The following SPATA31A6 variants were observed in gnomAD, a reference collection of about 807,000 sequenced individuals.
The protein encoded by SPATA31A6 is spermatogenesis-associated protein 31A6.
Under a neutral mutation model 11.9 loss-of-function variants are expected in SPATA31A6, and 9 were observed. The ratio of observed to expected loss-of-function variants is 0.76; its 90% CI spans 0.46 to 1.32. SPATA31A6 has a LOEUF of 1.32. Ranked by LOEUF, SPATA31A6 falls within the 40% of genes most tolerant of loss-of-function variation. The pLI is 0.00. For synonymous variants in SPATA31A6, 314 were observed against 572.1 expected, an observed-to-expected ratio of 0.55 and a Z score of 6.44; for missense variants, 855 against 1,467.3, an observed-to-expected ratio of 0.58 and a Z score of 6.82.
rs1392772457 is a variant in SPATA31A6 at position 42,189,836 on chromosome 9, G to A, written c.*102G>A. 4.4e-6 allele frequency: 5 copies of A among 1,129,598 alleles called. 1 individual carries two copies. Among genetic ancestry groups the A allele is most frequent in the Non-Finnish European group, 5.9e-6 (5 of 846,126 alleles). 70.0% of individuals were successfully genotyped at this position (1,129,598 alleles called of 1,614,324 possible). On this transcript the variant is annotated 3_prime_UTR_variant, in exon 4 of 4. Coordinates refer to ENST00000332857, the MANE Select transcript of SPATA31A6 (RefSeq NM_001145196.1). ...AGAAAAAATATTTTCTCTCATGTTA[G>A]TAAATGCAGAACATTTAATATTCCA...
At chr9:42,184,740 C>G (rs896105142) in intron 1 of SPATA31A6, among the ~76,000 whole-genome samples, 1 of 136,054 alleles carries the variant, frequency 7.4e-6, no homozygotes, top group Admixed American at 7.3e-5. Context: ...CATGGCCAGG[C>G]TGGTCTCAAA....
intron 3 of SPATA31A6, 119 bp downstream of exon 3, chr9:42,185,874 A>G: frequency 6.9e-7 from 1 of 1,441,130 alleles, no homozygotes; most frequent in South Asian, 1.3e-5. Context: ...GATGGGAGTA[A>G]AACCCTGGGG....
rs770772717 is a variant in SPATA31A6 at position 42,185,050 on chromosome 9, A to G, written c.190-19A>G. On this transcript the variant is annotated intron_variant, in intron 1 of 3. Coordinates refer to ENST00000332857, the MANE Select transcript of SPATA31A6 (RefSeq NM_001145196.1). ...TCTCTCCGCGTCATCTTGTCTCCGTACGTCATCATGTCTCCCAGTGTCCAG... is the reference window on the plus strand; with the variant it reads ...TCTCTCCGCGTCATCTTGTCTCCGTGCGTCATCATGTCTCCCAGTGTCCAG... 6.5e-7 allele frequency: 1 copy of G among 1,536,542 alleles called. No individual in the cohort carries two copies. The highest frequency in any genetic ancestry group is 2.4e-5 in the East Asian group (1 of 40,866).
Position 42,186,615 on chromosome 9 carries a change from C to A in SPATA31A6, c.913C>A (p.His305Asn). ...SSVQQDPLSRHPPETCQMEAG... is the reference protein window; with the variant it reads ...SSVQQDPLSRNPPETCQMEAG... ...AGTCCAGCAAGATCCTCTTTCCCGC[C>A]ACCCACCAGAGACCTGTCAGATGGA... The change falls in exon 4 of 4, where the codon CAC becomes AAC. Residue 305 changes from histidine (H) to asparagine (N), a missense_variant. Physicochemically the swap from His to Asn is moderately conservative, Grantham distance 68. Coordinates refer to ENST00000332857, the MANE Select transcript of SPATA31A6 (RefSeq NM_001145196.1). 1 of 1,532,764 alleles carries A rather than the reference C, an allele frequency of 6.5e-7. No individual in the cohort carries two copies. Among genetic ancestry groups the A allele is most frequent in the Non-Finnish European group, 8.8e-7 (1 of 1,137,290 alleles). The allele number at this position is 1,532,764 out of a possible 1,614,324, so 94.9% of individuals were successfully genotyped here. A position where few individuals can be genotyped will look rare whatever the true frequency, so the allele number is the denominator to read the frequency against.
At chr9:42,184,323 G>C (rs1166141709) in intron 1 of SPATA31A6, among the ~76,000 whole-genome samples, 1 of 129,704 alleles carries the variant, frequency 7.7e-6, no homozygotes, top group African/African-American at 3.1e-5. Flanking sequence ...GGTCTTCTGG[G>C]AAGCAGAATC....
intron 1 of SPATA31A6, among the ~76,000 whole-genome samples, chr9:42,184,506 ATTTT>A (rs1829406944): frequency 2.9e-5 from 1 of 34,374 alleles, no homozygotes; most frequent in Non-Finnish European, 6.7e-5. Context: ...TTTGTGTGTT[ATTTT>A]ATTTTATTTT....
rs749063934 is a variant in SPATA31A6 at position 42,185,051 on chromosome 9, C to G, written c.190-18C>G. ...CTCTCCGCGTCATCTTGTCTCCGTA[C>G]GTCATCATGTCTCCCAGTGTCCAGT... On this transcript the variant is annotated intron_variant, in intron 1 of 3. Coordinates refer to ENST00000332857, the MANE Select transcript of SPATA31A6 (RefSeq NM_001145196.1). 2.6e-6 allele frequency: 4 copies of G among 1,536,900 alleles called. 1 individual carries two copies. The Admixed American group carries it at 5.3e-5, about 20-fold the overall frequency.
chr9:42,184,503 G>GTTATTTTATTTTATTTTATT lies in SPATA31A6; in HGVS notation c.190-543_190-524dup, dbSNP rs201742726. ...TGTGTTATTTTTATTTTATTTGTGTGTTATTTTATTTTATTTTATTTTATT... is the reference window on the plus strand; with the variant it reads ...TGTGTTATTTTTATTTTATTTGTGTGTTATTTTATTTTATTTTATTTTATTTTATTTTATTTTATTTTATT... On this transcript the variant is annotated intron_variant, in intron 1 of 3. Coordinates refer to ENST00000332857, the MANE Select transcript of SPATA31A6 (RefSeq NM_001145196.1). Among the ~76,000 whole-genome samples the GTTATTTTATTTTATTTTATT allele has an allele frequency of 3.3e-4, 34 of 102,482 alleles. 1 individual carries two copies. Among genetic ancestry groups the GTTATTTTATTTTATTTTATT allele is most frequent in the East Asian group, 5.4e-4 (2 of 3,730 alleles). 67.2% of individuals were successfully genotyped at this position (102,482 alleles called of 152,430 possible).
chr9:42,187,265 C>T lies in SPATA31A6; in HGVS notation c.1563C>T (p.Cys521=). The change falls in exon 4 of 4, where the codon TGC becomes TGT. Residue 521 remains cysteine (C), a synonymous_variant. Transcript: ENST00000332857. ...PSLIKNTGVA[C]PASQNKVQAL... Reference sequence around the variant, plus strand: ...TGATTAAGAACACTGGAGTAGCTTGCCCTGCATCGCAGAATAAAGTGCAAG... The same window carrying T: ...TGATTAAGAACACTGGAGTAGCTTGTCCTGCATCGCAGAATAAAGTGCAAG... The T allele has an allele frequency of 5.8e-6, 9 of 1,542,156 alleles. 1 individual carries two copies. The highest frequency in any genetic ancestry group is 4.8e-5 in the East Asian group (2 of 41,788).
In SPATA31A6 at chr9:42,184,001, T is replaced by A. The variant is rs1397144538; in HGVS notation, c.189+125T>A. The A allele has an allele frequency of 2.4e-5, 35 of 1,438,940 alleles. 3 individuals are homozygous for A. In the Middle Eastern group the frequency reaches 1.5e-3, roughly 61 times the overall value. The allele number at this position is 1,438,940 out of a possible 1,614,324, so 89.1% of individuals were successfully genotyped here. On this transcript the variant is annotated intron_variant, in intron 1 of 3. Coordinates refer to ENST00000332857, the MANE Select transcript of SPATA31A6 (RefSeq NM_001145196.1). ...GGAAGTCTCAGAAGAGACCAGAACA[T>A]CATCCTTCCAGGGAGAGGCAGGGCA...
At position 42,186,970 on chromosome 9, in the gene SPATA31A6, A is replaced by C; in HGVS notation, c.1268A>C (p.His423Pro). The C allele has an allele frequency of 6.5e-7, 1 of 1,544,918 alleles. No homozygotes were observed. Among genetic ancestry groups the C allele is most frequent in the Admixed American group, 1.7e-5 (1 of 57,252 alleles). The change falls in exon 4 of 4, where the codon CAC becomes CCC. Residue 423 changes from histidine to proline, a missense_variant. Transcript: ENST00000332857. ...CTTTTCTGGGGCCTCCCCTCTCTGC[A>C]CAGCGAGTCCCTGGTGGCTAACGCC... ...SQLFWGLPSL[H>P]SESLVANAWV...
At position 42,184,536 on chromosome 9, in the gene SPATA31A6, AT is replaced by A. The variant is rs1210120294; in HGVS notation, c.190-529del. Among the ~76,000 whole-genome samples, 8 of 112,526 alleles carry A rather than the reference AT, an allele frequency of 7.1e-5. 2 individuals carry two copies. The highest frequency in any genetic ancestry group is 3.4e-4 in the African/African-American group (8 of 23,784). The allele number at this position is 112,526 out of a possible 152,430, so 73.8% of individuals were successfully genotyped here. On this transcript the variant is annotated intron_variant, in intron 1 of 3. Transcript: ENST00000332857. ...ATTTTATTTTATTTTATTTTATTTT[AT>A]TTTATTTTTTGAGATGGAGTCTCGC...
rs1829522118 is a variant in SPATA31A6 at position 42,189,190 on chromosome 9, T to G, written c.3488T>G (p.Ile1163Ser). ...TCAGTAAGCCACTTTGGAGAAAACA[T>G]CAAGCAATTTTTTCAGTGGATTTTT... The part of the protein sequence containing the change: ...PPSVSHFGEN[I>S]KQFFQWIFSK... The change falls in exon 4 of 4, where the codon ATC becomes AGC. Residue 1163 changes from isoleucine to serine, a missense_variant. By Grantham distance (142) the Ile-to-Ser change is moderately radical. Coordinates refer to ENST00000332857, the MANE Select transcript of SPATA31A6 (RefSeq NM_001145196.1). 1 of 1,542,702 alleles carries G rather than the reference T, an allele frequency of 6.5e-7. No individual in the cohort carries two copies. The highest frequency in any genetic ancestry group is 1.5e-5 in the African/African-American group (1 of 64,870).
chr9:42,183,863 C>A lies in SPATA31A6; in HGVS notation c.176C>A (p.Pro59His). 4 of 1,531,806 alleles carry A rather than the reference C, an allele frequency of 2.6e-6. No homozygotes were observed. The highest frequency in any genetic ancestry group is 3.5e-6 in the Non-Finnish European group (4 of 1,137,678). The allele number at this position is 1,531,806 out of a possible 1,614,324, so 94.9% of individuals were successfully genotyped here. A position where few individuals can be genotyped will look rare whatever the true frequency, so the allele number is the denominator to read the frequency against. The change falls in exon 1 of 4, where the codon CCT (proline) becomes CAT (histidine). Residue 59 changes from proline to histidine, a missense_variant. By Grantham distance (77) the Pro-to-His change is moderately conservative. Transcript: ENST00000332857. ...TGTGATGACCCACCCTCACCATCGC[C>A]TGGGAAGAGAAAGGTAAGGAACCCT... ...FHCDDPPSPS[P>H]GKRKCPVGRR...
Position 42,188,923 on chromosome 9 carries a change from C to A in SPATA31A6, c.3221C>A (p.Ala1074Asp), listed in dbSNP as rs1829513641. 2 of 1,540,372 alleles carry A rather than the reference C, an allele frequency of 1.3e-6. No individual in the cohort carries two copies. The highest frequency in any genetic ancestry group is 1.8e-5 in the Admixed American group (1 of 56,742). ...ASQELHDLMA[A>D]RRSKLVQEEP... ...CAGGAGCTACATGACCTCATGGCAG[C>A]CAGAAGGAGCAAACTGGTGCAAGAG... Residue 1074 changes from alanine to aspartate, a missense_variant, in exon 4 of 4, where the codon GCC (alanine) becomes GAC (aspartate). By Grantham distance (126) the Ala-to-Asp change is moderately radical. Coordinates refer to ENST00000332857, the MANE Select transcript of SPATA31A6 (RefSeq NM_001145196.1).
At chr9:42,185,840 G>A in intron 3 of SPATA31A6, 85 bp downstream of exon 3, 1 of 1,221,258 alleles carries the variant, frequency 8.2e-7, no homozygotes. Flanking sequence ...GCTGACCTGG[G>A]ATGGGGAGAC....
Position 42,187,225 on chromosome 9 carries a change from C to G in SPATA31A6, c.1523C>G (p.Pro508Arg). 3.2e-6 allele frequency: 5 copies of G among 1,543,332 alleles called. 1 individual carries two copies. The highest frequency in any genetic ancestry group is 4.4e-6 in the Non-Finnish European group (5 of 1,138,300). Residue 508 changes from proline to arginine, a missense_variant, in exon 4 of 4, where the codon CCT (proline) becomes CGT (arginine). Coordinates refer to ENST00000332857, the MANE Select transcript of SPATA31A6 (RefSeq NM_001145196.1). The stretch of plus-strand genomic sequence containing the variant: ...CAGTCTTCTTTCCCAGTCCTATCTC[C>G]TGCTTTTCCATCCCTGATTAAGAAC... ...HLQSSFPVLS[P>R]AFPSLIKNTG... is the part of the protein sequence containing the mutation.
At position 42,186,562 on chromosome 9, in the gene SPATA31A6, C is replaced by A. The variant is rs575466485; in HGVS notation, c.860C>A (p.Ala287Asp). The change falls in exon 4 of 4, where the codon GCC becomes GAC. Residue 287 changes from alanine to aspartate, a missense_variant. Physicochemically the swap from Ala to Asp is moderately radical, Grantham distance 126 (BLOSUM62 -2). Coordinates refer to ENST00000332857, the MANE Select transcript of SPATA31A6 (RefSeq NM_001145196.1). ...GCCTCCTCCCGGTGGCAGGAGACTG[C>A]CAGAACCTCGTGCGCCTTTAACTCA... Reference protein sequence around the residue: ...VSASSRWQETARTSCAFNSSV... With the variant: ...VSASSRWQETDRTSCAFNSSV... 3 of 1,525,278 alleles carry A rather than the reference C, an allele frequency of 2.0e-6. 1 individual carries two copies. The highest frequency in any genetic ancestry group is 2.6e-6 in the Non-Finnish European group (3 of 1,135,144). The allele number at this position is 1,525,278 out of a possible 1,614,324, so 94.5% of individuals were successfully genotyped here.
rs752154576 is a variant in SPATA31A6 at position 42,188,984 on chromosome 9, G to A, written c.3282G>A (p.Lys1094=). ...PRNPNCQGSC[K]SQRPMFPPIH... is the part of the protein sequence containing the mutation. ...ACCCAAACTGTCAAGGCTCATGCAA[G>A]AGCCAAAGGCCAATGTTTCCCCCTA... Residue 1094 remains lysine, a synonymous_variant, in exon 4 of 4, where the codon AAG becomes AAA. Transcript: ENST00000332857. The A allele has an allele frequency of 1.9e-6, 3 of 1,548,374 alleles. No individual in the cohort carries two copies. Among genetic ancestry groups the A allele is most frequent in the South Asian group, 1.1e-5 (1 of 87,244 alleles).
Sources: gnomAD v4.1 joint callset for allele counts (sites outside exome capture counted in the v4.1 genomes callset) on GRCh38, gnomAD v4.1.1 for gene constraint, MANE v1.5 for transcripts, NCBI Gene and HGNC (gene_info 2026-07-23, HGNC 2026-07-21) for gene names.